TMEM131: variants seen among roughly 807,000 people sequenced by gnomAD.
TMEM131 encodes 2610524E03Rik.
A neutral mutation model predicts 211.6 loss-of-function variants in TMEM131; 66 were observed. The ratio of observed to expected loss-of-function variants is 0.31; its 90% CI spans 0.26 to 0.38. TMEM131 has a LOEUF of 0.38. TMEM131 is among the 10% of genes least tolerant of loss of function. TMEM131 has a pLI of 1.00. For synonymous variants in TMEM131, 844 were observed against 841.3 expected, an observed-to-expected ratio of 1.00 and a Z score of -0.06; for missense variants, 2,036 against 2,299.3, an observed-to-expected ratio of 0.89 and a Z score of 2.34.
At chr2:97,793,821 C>A (rs1052195391) in intron 29 of TMEM131, among the ~76,000 whole-genome samples, 13 of 151,470 alleles carry the variant, frequency 8.6e-5, no homozygotes, top group African/African-American at 2.4e-4. Context: ...GGTGAAACCC[C>A]GTCTCTACTA....
chr2:97,896,681 ACCC>A lies in TMEM131; in HGVS notation c.291-8564_291-8562del, dbSNP rs1200930563. On this transcript the variant is annotated intron_variant, in intron 3 of 40. Coordinates refer to ENST00000186436, the MANE Select transcript of TMEM131 (RefSeq NM_015348.2). ...TGTTTCATCAGAGACTAGGATTGTA[ACCC>A]CTGCTGAAAAGGAGTATTCTTGTGC... Among the ~76,000 whole-genome samples, 10 of 151,982 alleles carry A rather than the reference ACCC, an allele frequency of 6.6e-5. No individual in the cohort carries two copies. The East Asian group carries it at 1.9e-3, about 29-fold the overall frequency.
chr2:97,871,500 C>T (rs1179114102), intron 4 of TMEM131, among the ~76,000 whole-genome samples: 1 of 152,184 alleles, frequency 6.6e-6, no homozygotes, highest in East Asian at 1.9e-4. Context: ...ATTTCCCAAT[C>T]ACTCCTGTAG....
At chr2:97,866,464 G>A (rs1268247590) in intron 4 of TMEM131, among the ~76,000 whole-genome samples, 2 of 152,098 alleles carry the variant, frequency 1.3e-5, no homozygotes, top group South Asian at 2.1e-4. Context: ...TTGACAATTC[G>A]ATCTTTTCAA....
intron 1 of TMEM131, among the ~76,000 whole-genome samples, chr2:97,989,929 T>C (rs1457831640): frequency 6.6e-6 from 1 of 152,238 alleles, no homozygotes; most frequent in Non-Finnish European, 1.5e-5. Flanking sequence ...TTTGAACTTC[T>C]TCTGGAGCCC....
chr2:97,756,918 A>G lies in TMEM131; in HGVS notation c.*181T>C. On this transcript the variant is annotated 3_prime_UTR_variant, in exon 41 of 41. Transcript: ENST00000186436. ...GCACAACAGCAAATCTCATGTTATCATAATTGCAAGAAAGATCTGAAAGAA... is the reference window on the plus strand; with the variant it reads ...GCACAACAGCAAATCTCATGTTATCGTAATTGCAAGAAAGATCTGAAAGAA... 7.7e-6 allele frequency: 5 copies of G among 652,688 alleles called. No homozygotes were observed. Among genetic ancestry groups the G allele is most frequent in the Non-Finnish European group, 1.2e-5 (5 of 418,336 alleles). 40.4% of individuals were successfully genotyped at this position (652,688 alleles called of 1,614,324 possible).
At chr2:97,835,040 T>C (rs1305299954) in intron 8 of TMEM131, 115 bp from the exon 9 acceptor site, 1 of 1,058,138 alleles carries the variant, frequency 9.5e-7, no homozygotes, top group Non-Finnish European at 1.3e-6. Context: ...TACCTATTAA[T>C]AAAAAAAATG....
At chr2:97,847,160 G>A (rs1414044515) in intron 5 of TMEM131, among the ~76,000 whole-genome samples, 2 of 140,806 alleles carry the variant, frequency 1.4e-5, no homozygotes, top group African/African-American at 5.2e-5. Flanking sequence ...CTGCACTCCA[G>A]CCTGGTGACA....
intron 29 of TMEM131, among the ~76,000 whole-genome samples, chr2:97,794,035 T>C (rs2104893254): frequency 6.7e-6 from 1 of 149,560 alleles, no homozygotes; most frequent in East Asian, 2.0e-4. Flanking sequence ...CACAGTTTTA[T>C]GGATAAAAGT....
rs1369219530 is a variant in TMEM131, at chr2:97,797,421, G to C, written c.2814C>G (p.Val938=). 1 of 1,612,672 alleles carries C rather than the reference G, an allele frequency of 6.2e-7. No individual in the cohort carries two copies. The highest frequency in any genetic ancestry group is 8.5e-7 in the Non-Finnish European group (1 of 1,179,588). ...LILKPGEKKS[V]KVKFTPVHNR... ...TGTGAACTGGAGTAAACTTTACTTT[G>C]ACAGATTTCTTTTCTCCAGGTTTTA... Residue 938 remains valine, a synonymous_variant, in exon 26 of 41, where the codon GTC becomes GTG. Transcript: ENST00000186436.
In TMEM131 at chr2:97,770,294, A is replaced by G. The variant is rs116544797; in HGVS notation, c.4448+2003T>C. Among the ~76,000 whole-genome samples, 299 of 152,358 alleles carry G rather than the reference A, an allele frequency of 2.0e-3. 1 individual carries two copies. The highest frequency in any genetic ancestry group is 2.5e-3 in the Non-Finnish European group (172 of 68,026). On this transcript the variant is annotated intron_variant, in intron 33 of 40. Transcript: ENST00000186436. The stretch of plus-strand genomic sequence containing the variant: ...TGATGAACTAATAAATTCTGACTCA[A>G]TACTTTCATCCTCGAGTTCAGAAAA...
intron 2 of TMEM131, among the ~76,000 whole-genome samples, chr2:97,909,748 T>G (rs893483456): frequency 1.3e-5 from 2 of 152,184 alleles, no homozygotes. Context: ...CTAGGTAAAG[T>G]GTAAGGGTGT....
intron 38 of TMEM131, 173 bp downstream of exon 38, chr2:97,760,420 T>C: frequency 1.5e-6 from 1 of 660,244 alleles, no homozygotes; most frequent in Non-Finnish European, 2.6e-6. Context: ...CGCAGCCGGC[T>C]TTCTGCTTCC....
intron 38 of TMEM131, 23 bp downstream of exon 38, chr2:97,760,570 C>A: frequency 1.3e-6 from 2 of 1,593,740 alleles, no homozygotes; most frequent in Non-Finnish European, 1.7e-6. Flanking sequence ...GTCTTTCTAG[C>A]GGTTAGTGGT....
intron 31 of TMEM131, among the ~76,000 whole-genome samples, chr2:97,785,549 A>G (rs1248414686): frequency 6.6e-6 from 1 of 152,148 alleles, no homozygotes; most frequent in Non-Finnish European, 1.5e-5. Context: ...AACCTGGATC[A>G]CTCCTACGTT....
chr2:97,788,509 C>A (rs530122493), intron 31 of TMEM131, among the ~76,000 whole-genome samples: 1 of 152,338 alleles, frequency 6.6e-6, no homozygotes, highest in African/African-American at 2.4e-5. Context: ...TCCATCTCTA[C>A]CAACTCACGC....
intron 4 of TMEM131, among the ~76,000 whole-genome samples, chr2:97,885,161 C>A (rs1263933997): frequency 6.6e-6 from 1 of 152,178 alleles, no homozygotes; most frequent in Non-Finnish European, 1.5e-5. Context: ...TAAGGCCAGT[C>A]TAGCAGTGAT....
chr2:97,974,098 G>T (rs1030541722), intron 1 of TMEM131, among the ~76,000 whole-genome samples: 3 of 152,074 alleles, frequency 2.0e-5, no homozygotes, highest in Non-Finnish European at 4.4e-5. Flanking sequence ...AATAAAACAG[G>T]TATTATAAAT....
chr2:97,818,224 CTTT>C (rs1681927149), intron 12 of TMEM131, among the ~76,000 whole-genome samples: 1 of 151,990 alleles, frequency 6.6e-6, no homozygotes, highest in Non-Finnish European at 1.5e-5. Context: ...ACAAAGAATA[CTTT>C]TTATTTTTGC....
chr2:97,984,453 T>A (rs1448847270), intron 1 of TMEM131, among the ~76,000 whole-genome samples: 2 of 152,090 alleles, frequency 1.3e-5, no homozygotes, highest in Non-Finnish European at 2.9e-5. Context: ...AAAAGAGGTT[T>A]ACTTGACTCA....
Sources: allele counts gnomAD v4.1 joint callset (sites outside exome capture counted in the v4.1 genomes callset), GRCh38; gene constraint gnomAD v4.1.1; transcripts MANE v1.5; gene names NCBI Gene and HGNC (gene_info 2026-07-23, HGNC 2026-07-21).